The following CFAP20DC variants were observed in gnomAD, a reference collection of about 807,000 sequenced individuals.
CFAP20DC encodes the protein CFAP20 domain containing.
In CFAP20DC, 84 loss-of-function variants were observed where a neutral mutation model predicts 101.7. The ratio of observed to expected loss-of-function variants is 0.83; its 90% CI spans 0.69 to 0.99. The LOEUF is 0.99. Among genes scored for constraint, CFAP20DC ranks in the 50% least tolerant of loss-of-function variants. The pLI is 0.00. For synonymous variants in CFAP20DC, 359 were observed against 351.2 expected (o/e 1.02, Z -0.25); for missense variants, 1,007 against 970.3 (o/e 1.04, Z -0.50).
chr3:58,935,410 T>C lies in CFAP20DC; in HGVS notation c.393+2238A>G, dbSNP rs1438029846. ...GCTACCAATGACTTTCTTCACAGAA[T>C]TGGAAAAAACTACTTTAAAGTTCAT... On this transcript the variant is annotated intron_variant, in intron 5 of 16. Transcript: ENST00000482387. 1.7e-3 allele frequency among the ~76,000 whole-genome samples: 256 copies of C among 151,992 alleles called. 1 individual carries two copies. The highest frequency in any genetic ancestry group is 5.7e-3 in the African/African-American group (238 of 41,402).
intron 4 of CFAP20DC, among the ~76,000 whole-genome samples, chr3:58,947,938 T>C (rs963422198): frequency 5.9e-5 from 9 of 152,168 alleles, no homozygotes; most frequent in African/African-American, 2.2e-4. Flanking sequence ...GGGTGGGAGA[T>C]GGGAGCACAT....
rs548601328 is a variant in CFAP20DC at position 59,049,022 on chromosome 3, C to G, written c.21+589G>C. ...TTAAAAAGCTTAATCAAGTGACCCC[C>G]ATCCAGAGATTCGGATTCACCAGAT... is the stretch of plus-strand genomic sequence containing the variant. On this transcript the variant is annotated intron_variant, in intron 1 of 16. Transcript: ENST00000482387. Among the ~76,000 whole-genome samples, 98 of 152,272 alleles carry G rather than the reference C, an allele frequency of 6.4e-4. 2 individuals are homozygous for G. In the South Asian group the frequency reaches 0.02, roughly 31 times the overall value.
chr3:58,842,089 G>A (rs1209388473), intron 13 of CFAP20DC, among the ~76,000 whole-genome samples: 1 of 152,160 alleles, frequency 6.6e-6, no homozygotes, highest in Non-Finnish European at 1.5e-5. Flanking sequence ...ACATTGCAAA[G>A]AACAAGTTTA....
chr3:58,852,633 T>C (rs1051572177), intron 12 of CFAP20DC, among the ~76,000 whole-genome samples: 1 of 149,476 alleles, frequency 6.7e-6, no homozygotes, highest in African/African-American at 2.5e-5. Flanking sequence ...TAACAAACTA[T>C]CTCTCAGACC....
intron 14 of CFAP20DC, among the ~76,000 whole-genome samples, chr3:58,825,874 G>A (rs145083009): frequency 6.6e-6 from 1 of 152,306 alleles, no homozygotes; most frequent in East Asian, 1.9e-4. Context: ...AAGCCAATTT[G>A]CTATGAGGAA....
rs17059964 is a variant in CFAP20DC at position 58,937,150 on chromosome 3, C to G, written c.393+498G>C. Among the ~76,000 whole-genome samples the G allele has an allele frequency of 2.0e-3, 312 of 152,310 alleles. 2 individuals are homozygous for G. The highest frequency in any genetic ancestry group is 7.3e-3 in the African/African-American group (305 of 41,576). On this transcript the variant is annotated intron_variant, in intron 5 of 16. Transcript: ENST00000482387. ...TCTGAACCCATATCAGGCTCTTGTA[C>G]TGTCAGACCAATGTTTCCTTAGGGC...
chr3:58,873,453 G>A (rs1276030888), intron 7 of CFAP20DC, among the ~76,000 whole-genome samples: 1 of 151,332 alleles, frequency 6.6e-6, no homozygotes, highest in Non-Finnish European at 1.5e-5. Context: ...ATGCTGTAAG[G>A]CAGGTGCTCA....
intron 14 of CFAP20DC, among the ~76,000 whole-genome samples, chr3:58,826,152 AGAAG>A (rs745345876): frequency 8.5e-5 from 13 of 152,318 alleles, no homozygotes; most frequent in Admixed American, 4.6e-4. Context: ...GGCCCTGCTC[AGAAG>A]GAGATTTTCC....
intron 6 of CFAP20DC, among the ~76,000 whole-genome samples, chr3:58,906,309 T>C (rs2083580459): frequency 6.6e-6 from 1 of 152,214 alleles, no homozygotes; most frequent in Admixed American, 6.5e-5. Flanking sequence ...TCCTATACTA[T>C]GTTATCCTTT....
Position 58,932,838 on chromosome 3 carries a change from A to G in CFAP20DC, c.393+4810T>C, listed in dbSNP as rs866370928. Reference sequence around the variant, plus strand: ...AAAATCATGCCAAATTGTAAAGACCATCGAGGCTAGGAAGAAACTGCATCA... The same window carrying G: ...AAAATCATGCCAAATTGTAAAGACCGTCGAGGCTAGGAAGAAACTGCATCA... On this transcript the variant is annotated intron_variant, in intron 5 of 16. Coordinates refer to ENST00000482387, the MANE Select transcript of CFAP20DC (RefSeq NM_001394063.1). Among the ~76,000 whole-genome samples, 8 of 152,338 alleles carry G rather than the reference A, an allele frequency of 5.3e-5. No homozygotes were observed. In the Middle Eastern group the frequency reaches 0.014, roughly 259 times the overall value.
intron 4 of CFAP20DC, among the ~76,000 whole-genome samples, chr3:58,979,241 C>T (rs2092413812): frequency 6.6e-6 from 1 of 152,172 alleles, no homozygotes; most frequent in Non-Finnish European, 1.5e-5. Context: ...ATGGTTCTTC[C>T]ACCCATTAGC....
intron 15 of CFAP20DC, among the ~76,000 whole-genome samples, chr3:58,755,885 G>A (rs974457413): frequency 2.6e-5 from 4 of 152,136 alleles, no homozygotes; most frequent in Non-Finnish European, 5.9e-5. Flanking sequence ...CCCACTGCCT[G>A]TTTATGTCTA....
rs932858912 is a variant in CFAP20DC at position 58,953,583 on chromosome 3, C to T, written c.279-15821G>A. ...AGAATAGTTGGCTTTGGGGGGAAAACAAAATCATGTGCAAAGCTTAAATGG... is the reference window on the plus strand; with the variant it reads ...AGAATAGTTGGCTTTGGGGGGAAAATAAAATCATGTGCAAAGCTTAAATGG... On this transcript the variant is annotated intron_variant, in intron 4 of 16. Coordinates refer to ENST00000482387, the MANE Select transcript of CFAP20DC (RefSeq NM_001394063.1). 2.0e-5 allele frequency: 3 copies of T among 152,068 alleles called. 1 individual carries two copies. Among genetic ancestry groups the T allele is most frequent in the South Asian group, 4.2e-4 (2 of 4,816 alleles). The allele number at this position is 152,068 out of a possible 1,614,324, so 9.4% of individuals were successfully genotyped here.
chr3:58,861,850 A>G lies in CFAP20DC; in HGVS notation c.1593+1708T>C, dbSNP rs2079278970. ...ACAGGGGTGACCAGATAGCCCTGCC[A>G]GTGAAAGCTTGGGTAATGCATGATA... On this transcript the variant is annotated intron_variant, in intron 12 of 16. Coordinates refer to ENST00000482387, the MANE Select transcript of CFAP20DC (RefSeq NM_001394063.1). This position sits in a 1 kb window ranked among gnomAD's most constrained non-coding sequence, Gnocchi z 4.0. The G allele has an allele frequency of 1.0e-6, 1 of 985,464 alleles. No individual in the cohort carries two copies. Among genetic ancestry groups the G allele is most frequent in the Non-Finnish European group, 1.2e-6 (1 of 829,918 alleles). 61.0% of individuals were successfully genotyped at this position (985,464 alleles called of 1,614,324 possible). A position where few individuals can be genotyped will look rare whatever the true frequency, so the allele number is the denominator to read the frequency against.
intron 4 of CFAP20DC, among the ~76,000 whole-genome samples, chr3:58,945,547 T>C (rs1471104494): frequency 6.6e-6 from 1 of 152,118 alleles, no homozygotes; most frequent in Non-Finnish European, 1.5e-5. Flanking sequence ...CTCCTGGGGG[T>C]AACCTCATAC....
chr3:59,031,179 G>A (rs2093988294), intron 4 of CFAP20DC, among the ~76,000 whole-genome samples: 1 of 152,160 alleles, frequency 6.6e-6, no homozygotes, highest in South Asian at 2.1e-4. Context: ...AAAGTAATAA[G>A]CTCTAGTGTT....
intron 7 of CFAP20DC, among the ~76,000 whole-genome samples, chr3:58,881,294 G>A (rs2081212708): frequency 6.6e-6 from 1 of 152,142 alleles, no homozygotes; most frequent in Admixed American, 6.5e-5. Flanking sequence ...TAAGTTACTA[G>A]TTTTGATTTG....
rs901199172 is a variant in CFAP20DC at position 58,753,823 on chromosome 3, T to A, written c.2278A>T (p.Ser760Cys). The change falls in exon 16 of 17, where the codon AGT becomes TGT. Residue 760 changes from serine to cysteine, a missense_variant. Transcript: ENST00000482387. The stretch of plus-strand genomic sequence containing the variant: ...GGACGCTGCTCAGCCGGCTGTTGAC[T>A]GGGAGGAACGATTGGTGGGCTCAAC... ...NMLSPPIVPP[S>C]QQPAEQRPDS... 3.7e-6 allele frequency: 6 copies of A among 1,612,774 alleles called. No homozygotes were observed. Among genetic ancestry groups the A allele is most frequent in the Non-Finnish European group, 5.1e-6 (6 of 1,179,396 alleles).
At chr3:58,823,013 T>G (rs951310477) in intron 14 of CFAP20DC, among the ~76,000 whole-genome samples, 2 of 152,160 alleles carry the variant, frequency 1.3e-5, no homozygotes, top group African/African-American at 2.4e-5. Flanking sequence ...CTTCGTTTAT[T>G]TCCATTAGCT....
Sources: gnomAD v4.1 joint callset for allele counts (sites outside exome capture counted in the v4.1 genomes callset) on GRCh38, gnomAD v4.1.1 for gene constraint, Gnocchi (gnomAD v3.1) non-coding constraint, MANE v1.5 for transcripts, NCBI Gene and HGNC (gene_info 2026-07-23, HGNC 2026-07-21) for gene names.